The following CABLES1 variants were observed in gnomAD, a reference collection of about 807,000 sequenced individuals.
CABLES1 encodes the protein Cdk5 and Abl enzyme substrate 1, also known as CDK5 and ABL1 enzyme substrate 1.
In CABLES1, 36 loss-of-function variants were observed where a neutral mutation model predicts 57.8. That is an observed-to-expected ratio of 0.62 (90% CI 0.48 to 0.82). CABLES1 has a LOEUF of 0.82. CABLES1 is among the 40% of genes least tolerant of loss of function. CABLES1 has a pLI of 0.00. For missense variants in CABLES1, 767 were observed against 836.6 expected (o/e 0.92, Z 1.03); for synonymous variants, 374 against 363.0 (o/e 1.03, Z -0.35).
intron 3 of CABLES1, 87 bp from the exon 4 acceptor site, chr18:23,213,890 G>A: frequency 1.2e-6 from 1 of 827,926 alleles, no homozygotes; most frequent in Non-Finnish European, 1.9e-6. Flanking sequence ...TGAATGCCAT[G>A]AATGCTTAAT....
At chr18:23,197,647 C>T (rs1278071170) in intron 3 of CABLES1, 4 of 152,274 alleles carry the variant, frequency 2.6e-5, no homozygotes, top group African/African-American at 9.6e-5. Flanking sequence ...GTGGCAGGAG[C>T]TCTTGGCTGG....
chr18:23,193,026 G>A (rs1285719803), intron 2 of CABLES1, among the ~76,000 whole-genome samples: 1 of 152,190 alleles, frequency 6.6e-6, no homozygotes, highest in African/African-American at 2.4e-5. Flanking sequence ...GGGCGACAGA[G>A]CAAGGCCTTG....
At chr18:23,256,566 CA>C (rs1325203092) in intron 9 of CABLES1, among the ~76,000 whole-genome samples, 1 of 152,146 alleles carries the variant, frequency 6.6e-6, no homozygotes, top group Admixed American at 6.5e-5. Flanking sequence ...CTGCAACCTC[CA>C]CCTCCCGGGT....
At chr18:23,221,404 A>G (rs1423662941) in intron 4 of CABLES1, among the ~76,000 whole-genome samples, 1 of 152,196 alleles carries the variant, frequency 6.6e-6, no homozygotes, top group Non-Finnish European at 1.5e-5. Flanking sequence ...GCTCTGAGAG[A>G]CACAGAGGCG....
intron 4 of CABLES1, among the ~76,000 whole-genome samples, chr18:23,224,561 CTTTT>C (rs777471596): frequency 1.1e-5 from 1 of 89,660 alleles, no homozygotes; most frequent in Admixed American, 1.5e-4. Flanking sequence ...AGTCACAGAG[CTTTT>C]TTTTTTTTTT....
At chr18:23,168,420 A>G (rs1208792870) in intron 1 of CABLES1, among the ~76,000 whole-genome samples, 2 of 152,208 alleles carry the variant, frequency 1.3e-5, no homozygotes, top group Admixed American at 6.5e-5. Context: ...AGTCAAATTC[A>G]TAGAGACAGA....
intron 1 of CABLES1, among the ~76,000 whole-genome samples, chr18:23,179,575 T>G (rs1016128028): frequency 7.2e-5 from 11 of 152,224 alleles, no homozygotes; most frequent in Non-Finnish European, 1.5e-4. Context: ...GCTCCTCCAG[T>G]CACCCCAGCC....
chr18:23,168,493 G>A (rs1247085807), intron 1 of CABLES1, among the ~76,000 whole-genome samples: 1 of 152,188 alleles, frequency 6.6e-6, no homozygotes, highest in Non-Finnish European at 1.5e-5. Flanking sequence ...TTCACTAGGT[G>A]CAGAGTTTCA....
At chr18:23,237,043 T>G (rs768841478) in intron 6 of CABLES1, 99 bp from the exon 7 acceptor site, 28 of 779,542 alleles carry the variant, frequency 3.6e-5, no homozygotes, top group Middle Eastern at 4.7e-4. Context: ...AAGCCAGCCT[T>G]TCTTCATTCC....
At chr18:23,196,519 G>A (rs1357086174) in intron 3 of CABLES1, among the ~76,000 whole-genome samples, 1 of 152,192 alleles carries the variant, frequency 6.6e-6, no homozygotes, top group Non-Finnish European at 1.5e-5. Flanking sequence ...GGAAATTGTA[G>A]TCGAGAGCTG....
At chr18:23,209,808 T>C (rs981067150) in intron 3 of CABLES1, among the ~76,000 whole-genome samples, 57 of 151,900 alleles carry the variant, frequency 3.8e-4, no homozygotes, top group African/African-American at 1.4e-3. Flanking sequence ...GTGAGAGACA[T>C]TGCCAGTGCT....
intron 7 of CABLES1, 68 bp downstream of exon 7, chr18:23,237,313 C>A (rs2047628003): frequency 1.9e-6 from 2 of 1,036,992 alleles, no homozygotes; most frequent in Non-Finnish European, 3.1e-6. Flanking sequence ...TGGTGGCCGG[C>A]TGGGGGCTTG....
In CABLES1 at chr18:23,258,290, A is replaced by G. The variant is rs1229858257; in HGVS notation, c.*923A>G. ...ATTCCTGTCCTCTATGTTAGAGTGC[A>G]TCAGAAGCACATTTACTGTGCTATC... On this transcript the variant is annotated 3_prime_UTR_variant, in exon 10 of 10. Transcript: ENST00000256925. 2.6e-5 allele frequency: 4 copies of G among 152,682 alleles called. No individual in the cohort carries two copies. The highest frequency in any genetic ancestry group is 4.8e-5 in the African/African-American group (2 of 41,468). The allele number at this position is 152,682 out of a possible 1,614,324, so 9.5% of individuals were successfully genotyped here. A position where few individuals can be genotyped will look rare whatever the true frequency, so the allele number is the denominator to read the frequency against.
intron 1 of CABLES1, among the ~76,000 whole-genome samples, chr18:23,146,423 C>G (rs2046892018): frequency 6.6e-6 from 1 of 152,118 alleles, no homozygotes; most frequent in African/African-American, 2.4e-5. Flanking sequence ...CCAGGCTTGT[C>G]TCGAACTCCT....
At position 23,136,307 on chromosome 18, in the gene CABLES1, C is replaced by A. The variant is rs1333750810; in HGVS notation, c.545C>A (p.Pro182Gln). The A allele has an allele frequency of 1.6e-5, 22 of 1,396,806 alleles. No individual in the cohort carries two copies. The highest frequency in any genetic ancestry group is 2.0e-5 in the Non-Finnish European group (22 of 1,081,848). The allele number at this position is 1,396,806 out of a possible 1,614,324, so 86.5% of individuals were successfully genotyped here. ...AGRASGEQWQ[P>Q]PRPAPLAACA... is the part of the protein sequence containing the mutation. ...CGGGCGTCGGGGGAGCAGTGGCAGC[C>A]GCCCCGGCCGGCGCCTCTCGCCGCC... The change falls in exon 1 of 10, where the codon CCG (proline) becomes CAG (glutamine). Residue 182 changes from proline to glutamine, a missense_variant. Around this residue, in one of 4 missense-constraint regions of CABLES1, gnomAD observed 529 missense variants for 622.8 expected, o/e 0.85. Transcript: ENST00000256925.
intron 1 of CABLES1, among the ~76,000 whole-genome samples, chr18:23,145,855 T>C (rs1054751579): frequency 6.6e-6 from 1 of 152,218 alleles, no homozygotes; most frequent in Non-Finnish European, 1.5e-5. Flanking sequence ...TTGGGGCTTA[T>C]TACTGCACAT....
intron 1 of CABLES1, among the ~76,000 whole-genome samples, chr18:23,163,628 A>G (rs2047020464): frequency 6.6e-6 from 1 of 152,148 alleles, no homozygotes; most frequent in Non-Finnish European, 1.5e-5. Context: ...TTTTGGGAGC[A>G]TGGACAGAGA....
rs187153698 is a variant in CABLES1 at position 23,181,190 on chromosome 18, A to G, written c.846-7648A>G. The stretch of plus-strand genomic sequence containing the variant: ...ACCAGACTGGGAATGCATGTATTAA[A>G]GAAAGCGGCCCTAGGCCAGCCGCGG... On this transcript the variant is annotated intron_variant, in intron 1 of 9. Transcript: ENST00000256925. 3.2e-4 allele frequency among the ~76,000 whole-genome samples: 49 copies of G among 152,290 alleles called. No homozygotes were observed. The East Asian group carries it at 8.5e-3, about 26-fold the overall frequency.
At chr18:23,172,229 C>A (rs2047087790) in intron 1 of CABLES1, among the ~76,000 whole-genome samples, 1 of 152,204 alleles carries the variant, frequency 6.6e-6, no homozygotes, top group South Asian at 2.1e-4. Context: ...ACAATGACAT[C>A]TTAACACGGT....
Sources: allele counts gnomAD v4.1 joint callset (sites outside exome capture counted in the v4.1 genomes callset), GRCh38; gene constraint gnomAD v4.1.1; regional missense constraint gnomAD v4.1.1; transcripts MANE v1.5; gene names NCBI Gene and HGNC (gene_info 2026-07-23, HGNC 2026-07-21).